The following MPZL1 variants were observed in gnomAD, a reference collection of about 807,000 sequenced individuals.
MPZL1 encodes myelin protein zero-like protein 1.
Under a neutral mutation model 29.3 loss-of-function variants are expected in MPZL1, and 16 were observed. The observed-to-expected ratio is 0.55, with a 90% CI of 0.37 to 0.83. MPZL1 has a LOEUF of 0.83. Among genes scored for constraint, MPZL1 ranks in the 40% least tolerant of loss-of-function variants. MPZL1 has a pLI of 0.00. For missense variants in MPZL1, 279 were observed against 332.9 expected (o/e 0.84, Z 1.26); for synonymous variants, 143 against 132.0 (o/e 1.08, Z -0.57).
In MPZL1 at chr1:167,789,107, G is replaced by A. The variant is rs1423881132; in HGVS notation, c.*1186G>A. On this transcript the variant is annotated 3_prime_UTR_variant, in exon 6 of 6. Transcript: ENST00000359523. ...ACAGCTTCATGGTGCCTCAAAGACT[G>A]TTGAGGTTAATGAGAGCCTAGATTA... 6 of 152,158 alleles carry A rather than the reference G, an allele frequency of 3.9e-5. No individual in the cohort carries two copies. The highest frequency in any genetic ancestry group is 3.3e-4 in the Admixed American group (5 of 15,282). 9.4% of individuals were successfully genotyped at this position (152,158 alleles called of 1,614,324 possible).
chr1:167,728,627 G>A (rs572824518), intron 1 of MPZL1, among the ~76,000 whole-genome samples: 1 of 151,728 alleles, frequency 6.6e-6, no homozygotes, highest in African/African-American at 2.4e-5. Flanking sequence ...TCCTTCAGTA[G>A]GTTTCTTCTT....
intron 1 of MPZL1, among the ~76,000 whole-genome samples, chr1:167,759,560 G>A (rs751918479): frequency 9.2e-5 from 14 of 152,216 alleles, no homozygotes; most frequent in Non-Finnish European, 1.5e-4. Context: ...CGTGCTCACC[G>A]TAGTTGGTCA....
At chr1:167,723,310 T>G (rs1325880244) in intron 1 of MPZL1, among the ~76,000 whole-genome samples, 2 of 152,256 alleles carry the variant, frequency 1.3e-5, no homozygotes, top group East Asian at 1.9e-4. Context: ...GTTCTTAATA[T>G]AATCCTTGGA....
At chr1:167,770,652 G>A (rs1324543385) in intron 2 of MPZL1, among the ~76,000 whole-genome samples, 1 of 152,112 alleles carries the variant, frequency 6.6e-6, no homozygotes, top group Non-Finnish European at 1.5e-5. Context: ...TATCTTAGTG[G>A]TAAGCTAACT....
At chr1:167,739,282 CATATATATAT>C (rs71959233) in intron 1 of MPZL1, among the ~76,000 whole-genome samples, 2 of 90,442 alleles carry the variant, frequency 2.2e-5, no homozygotes, top group Non-Finnish European at 4.0e-5. Flanking sequence ...TACATATATA[CATATATATAT>C]ATATATATAT....
intron 1 of MPZL1, among the ~76,000 whole-genome samples, chr1:167,761,257 C>T (rs1660981180): frequency 6.6e-6 from 1 of 152,026 alleles, no homozygotes; most frequent in African/African-American, 2.4e-5. Context: ...TTTTTTTTCT[C>T]TAAACCTGGG....
chr1:167,778,771 C>T (rs1661426815), intron 5 of MPZL1, among the ~76,000 whole-genome samples: 1 of 150,210 alleles, frequency 6.7e-6, no homozygotes, highest in Admixed American at 6.6e-5. Flanking sequence ...TAAAACAGAC[C>T]AAAATGGAAC....
In MPZL1 at chr1:167,788,035, C is replaced by T. The variant is rs1047888327; in HGVS notation, c.*114C>T. On this transcript the variant is annotated 3_prime_UTR_variant, in exon 6 of 6. Coordinates refer to ENST00000359523, the MANE Select transcript of MPZL1 (RefSeq NM_003953.6). Reference sequence around the variant, plus strand: ...GGAGACCCAGGCAAGGACAAGTACACGTGTACTCACAGAGGGAGAGAAAGA... The same window carrying T: ...GGAGACCCAGGCAAGGACAAGTACATGTGTACTCACAGAGGGAGAGAAAGA... 16 of 745,146 alleles carry T rather than the reference C, an allele frequency of 2.1e-5. No homozygotes were observed. In the Middle Eastern group the frequency reaches 7.1e-4, roughly 33 times the overall value. The allele number at this position is 745,146 out of a possible 1,614,324, so 46.2% of individuals were successfully genotyped here. A position where few individuals can be genotyped will look rare whatever the true frequency, so the allele number is the denominator to read the frequency against.
Position 167,787,908 on chromosome 1 carries a change from T to G in MPZL1, c.797T>G (p.Ile266Ser). ...NKSESVVYAD[I>S]RKN ...TCAGAGTCTGTGGTGTATGCGGATA[T>G]CCGAAAGAATTAAGAGAATACCTAG... is the stretch of plus-strand genomic sequence containing the variant. The change falls in exon 6 of 6, where the codon ATC (isoleucine) becomes AGC (serine). Residue 266 changes from isoleucine to serine, a missense_variant. Transcript: ENST00000359523. 2 of 1,610,318 alleles carry G rather than the reference T, an allele frequency of 1.2e-6. No individual in the cohort carries two copies. The highest frequency in any genetic ancestry group is 8.5e-7 in the Non-Finnish European group (1 of 1,176,562).
At chr1:167,779,566 C>T (rs1273890772) in intron 5 of MPZL1, among the ~76,000 whole-genome samples, 1 of 150,596 alleles carries the variant, frequency 6.6e-6, no homozygotes, top group African/African-American at 2.5e-5. Flanking sequence ...GCCTGGGCAA[C>T]AGAGTGAGAC....
chr1:167,775,450 A>G (rs997850406), intron 4 of MPZL1, among the ~76,000 whole-genome samples: 2 of 152,222 alleles, frequency 1.3e-5, no homozygotes, highest in South Asian at 2.1e-4. Flanking sequence ...GTTAAAGACT[A>G]CTGTCACCGT....
chr1:167,765,429 C>G (rs1459630015), intron 1 of MPZL1, 154 bp from the exon 2 acceptor site: 1 of 540,394 alleles, frequency 1.9e-6, no homozygotes, highest in African/African-American at 2.0e-5. Flanking sequence ...TCTGATTGAA[C>G]TTAGCTGTAG....
chr1:167,789,248 T>G lies in MPZL1; in HGVS notation c.*1327T>G. The G allele has an allele frequency of 6.6e-6, 1 of 152,254 alleles. No homozygotes were observed. The highest frequency in any genetic ancestry group is 2.1e-4 in the South Asian group (1 of 4,838). The allele number at this position is 152,254 out of a possible 1,614,324, so 9.4% of individuals were successfully genotyped here. A position where few individuals can be genotyped will look rare whatever the true frequency, so the allele number is the denominator to read the frequency against. On this transcript the variant is annotated 3_prime_UTR_variant, in exon 6 of 6. Coordinates refer to ENST00000359523, the MANE Select transcript of MPZL1 (RefSeq NM_003953.6). ...GGAATGGAAAGTGTGGTGAAGATCATTCAACACTTATGTTGTCATTTCTCC... is the reference window on the plus strand; with the variant it reads ...GGAATGGAAAGTGTGGTGAAGATCAGTCAACACTTATGTTGTCATTTCTCC...
At chr1:167,728,430 A>C (rs1338448296) in intron 1 of MPZL1, among the ~76,000 whole-genome samples, 2 of 144,480 alleles carry the variant, frequency 1.4e-5, no homozygotes, top group Non-Finnish European at 3.0e-5. Context: ...CTGGTCTCGA[A>C]CTCCTGACCT....
chr1:167,737,576 T>A (rs936559828), intron 1 of MPZL1, among the ~76,000 whole-genome samples: 1 of 152,240 alleles, frequency 6.6e-6, no homozygotes, highest in African/African-American at 2.4e-5. Context: ...GATAGATTGT[T>A]CTCACAAGAT....
intron 1 of MPZL1, among the ~76,000 whole-genome samples, chr1:167,763,590 C>A (rs943198071): frequency 4.6e-5 from 7 of 152,012 alleles, no homozygotes; most frequent in African/African-American, 1.7e-4. Flanking sequence ...GTACTCATCA[C>A]CATGGAGAAA....
chr1:167,760,745 G>T (rs1660967621), intron 1 of MPZL1, among the ~76,000 whole-genome samples: 1 of 130,118 alleles, frequency 7.7e-6, no homozygotes, highest in Admixed American at 8.2e-5. Context: ...AAGTTGAATA[G>T]GCTGTGTGTG....
intron 1 of MPZL1, among the ~76,000 whole-genome samples, chr1:167,757,547 C>T (rs1660892726): frequency 1.3e-5 from 2 of 152,298 alleles, no homozygotes. Context: ...CTTTCACATC[C>T]TGCCTCCTCC....
intron 1 of MPZL1, among the ~76,000 whole-genome samples, chr1:167,762,437 C>T (rs1000154350): frequency 2.0e-5 from 3 of 151,974 alleles, no homozygotes; most frequent in African/African-American, 7.3e-5. Flanking sequence ...AGCCACGTGG[C>T]GGAAGAAGAT....
Sources: allele counts gnomAD v4.1 joint callset (sites outside exome capture counted in the v4.1 genomes callset), GRCh38; gene constraint gnomAD v4.1.1; transcripts MANE v1.5; gene names NCBI Gene and HGNC (gene_info 2026-07-23, HGNC 2026-07-21).